The following B3GALT1 variants were observed in gnomAD, a reference collection of about 807,000 sequenced individuals.
B3GALT1 encodes beta-1,3-galactosyltransferase 1.
B3GALT1 carries 10 observed loss-of-function variants against 23.2 expected under a neutral mutation model. The ratio of observed to expected loss-of-function variants is 0.43; its 90% confidence interval spans 0.27 to 0.73. B3GALT1 has a LOEUF of 0.73. B3GALT1 is among the 30% of genes least tolerant of loss of function. The probability of loss-of-function intolerance (pLI) is 0.21; values close to 1 mark genes in which losing one functional copy is unlikely to be tolerated. For synonymous variants in B3GALT1, 156 were observed against 141.5 expected, an observed-to-expected ratio of 1.10 and a Z score of -0.73; for missense variants, 299 against 405.4, an observed-to-expected ratio of 0.74 and a Z score of 2.25.
intron 1 of B3GALT1, among the ~76,000 whole-genome samples, chr2:167,459,769 T>C (rs1263785221): frequency 6.6e-6 from 1 of 152,206 alleles, no homozygotes; most frequent in Non-Finnish European, 1.5e-5. Flanking sequence ...CCCTTGAACG[T>C]TTCTTGCAGA....
chr2:167,818,537 C>A (rs1210301367), intron 3 of B3GALT1, among the ~76,000 whole-genome samples, 135 bp from the exon 4 acceptor site: 4 of 152,164 alleles, frequency 2.6e-5, no homozygotes, highest in Non-Finnish European at 5.9e-5. Flanking sequence ...CAACGCCTAC[C>A]CACATGCCAT....
intron 3 of B3GALT1, chr2:167,715,812 G>A (rs1342504662): frequency 7.4e-6 from 12 of 1,613,540 alleles, no homozygotes; most frequent in African/African-American, 1.3e-5. Flanking sequence ...TCTTCAATTA[G>A]TCCAGAAAGC....
At chr2:167,409,953 T>G (rs565911976) in intron 1 of B3GALT1, among the ~76,000 whole-genome samples, 8 of 152,136 alleles carry the variant, frequency 5.3e-5, no homozygotes, top group Non-Finnish European at 1.0e-4. Flanking sequence ...TGATAAATCA[T>G]TCTACCATAA....
intron 4 of B3GALT1, among the ~76,000 whole-genome samples, chr2:167,825,608 C>T (rs576096853): frequency 1.3e-5 from 2 of 151,930 alleles, no homozygotes; most frequent in Non-Finnish European, 2.9e-5. Context: ...CCCCTTAGAG[C>T]ACCTTTTTCA....
chr2:167,615,644 CAATT>C (rs1202945198), intron 2 of B3GALT1, among the ~76,000 whole-genome samples: 3 of 150,540 alleles, frequency 2.0e-5, no homozygotes, highest in African/African-American at 4.9e-5. Context: ...CAATTTTTGT[CAATT>C]AAAAAATAAA....
chr2:167,536,785 A>G (rs2105371229), intron 2 of B3GALT1, among the ~76,000 whole-genome samples: 1 of 152,238 alleles, frequency 6.6e-6, no homozygotes, highest in South Asian at 2.1e-4. Flanking sequence ...CTGCTCAGAC[A>G]TGGAGAAGGG....
At chr2:167,449,394 T>G (rs1042836998) in intron 1 of B3GALT1, among the ~76,000 whole-genome samples, 1 of 152,170 alleles carries the variant, frequency 6.6e-6, no homozygotes, top group Non-Finnish European at 1.5e-5. Flanking sequence ...ATTTCTCAGC[T>G]TGGTCACTGT....
chr2:167,350,298 C>T (rs1257435477), intron 1 of B3GALT1, among the ~76,000 whole-genome samples: 1 of 152,080 alleles, frequency 6.6e-6, no homozygotes, highest in Non-Finnish European at 1.5e-5. Flanking sequence ...GCCTGCCTAC[C>T]CTGTGTGTTA....
At chr2:167,790,778 T>C (rs1234456137) in intron 3 of B3GALT1, among the ~76,000 whole-genome samples, 1 of 152,226 alleles carries the variant, frequency 6.6e-6, no homozygotes, top group Non-Finnish European at 1.5e-5. Context: ...CCTTTTTCTG[T>C]CTAATTTGCC....
intron 3 of B3GALT1, among the ~76,000 whole-genome samples, chr2:167,659,861 C>A (rs1005012347): frequency 2.0e-5 from 3 of 151,934 alleles, no homozygotes; most frequent in Admixed American, 2.0e-4. Flanking sequence ...TAATTTTACT[C>A]CTACCCTAGA....
chr2:167,356,565 G>A (rs1164217212), intron 1 of B3GALT1, among the ~76,000 whole-genome samples: 1 of 152,082 alleles, frequency 6.6e-6, no homozygotes, highest in Non-Finnish European at 1.5e-5. Context: ...ACTAGTGGGA[G>A]TTTGATATTT....
intron 1 of B3GALT1, among the ~76,000 whole-genome samples, chr2:167,359,465 C>T (rs768918049): frequency 7.2e-5 from 11 of 152,078 alleles, no homozygotes; most frequent in South Asian, 2.1e-4. Context: ...ATGTCCCTTC[C>T]GGATACAGTA....
intron 2 of B3GALT1, among the ~76,000 whole-genome samples, chr2:167,600,096 C>T (rs1191621001): frequency 2.0e-5 from 3 of 151,988 alleles, no homozygotes; most frequent in African/African-American, 7.3e-5. Context: ...TGGAGACAGC[C>T]CATTCAGGAT....
At position 167,560,178 on chromosome 2, in the gene B3GALT1, A is replaced by G. The variant is rs1328211813; in HGVS notation, c.-410+69901A>G. The stretch of plus-strand genomic sequence containing the variant: ...ACATTCTTGAAGAAAAGAATTTTCA[A>G]CCCAGAATTTCATATCCAGCCAAAC... On this transcript the variant is annotated intron_variant, in intron 2 of 4. Coordinates refer to ENST00000392690, the MANE Select transcript of B3GALT1 (RefSeq NM_020981.4). Among the ~76,000 whole-genome samples, 4 of 152,310 alleles carry G rather than the reference A, an allele frequency of 2.6e-5. No individual in the cohort carries two copies. The East Asian group carries it at 7.7e-4, about 29-fold the overall frequency.
intron 1 of B3GALT1, among the ~76,000 whole-genome samples, chr2:167,458,160 T>C (rs1313288640): frequency 6.6e-6 from 1 of 152,158 alleles, no homozygotes; most frequent in Non-Finnish European, 1.5e-5. Context: ...ACCACCCTAC[T>C]TTTTGTCTAT....
chr2:167,566,042 A>G (rs1483656779), intron 2 of B3GALT1, among the ~76,000 whole-genome samples: 1 of 152,064 alleles, frequency 6.6e-6, no homozygotes, highest in Non-Finnish European at 1.5e-5. Flanking sequence ...CTATAAAGAC[A>G]CATGCATACA....
chr2:167,702,139 C>G (rs539253624), intron 3 of B3GALT1, among the ~76,000 whole-genome samples: 18 of 152,172 alleles, frequency 1.2e-4, no homozygotes, highest in South Asian at 2.1e-4. Flanking sequence ...CACCAGAAGT[C>G]CTCCCTTCAT....
At chr2:167,662,243 A>G (rs2105473556) in intron 3 of B3GALT1, among the ~76,000 whole-genome samples, 1 of 152,196 alleles carries the variant, frequency 6.6e-6, no homozygotes. Context: ...GCTTGTCCAC[A>G]AGTACTTTTT....
chr2:167,775,227 T>A (rs960748155), intron 3 of B3GALT1, among the ~76,000 whole-genome samples: 1 of 152,188 alleles, frequency 6.6e-6, no homozygotes, highest in Non-Finnish European at 1.5e-5. Context: ...TAAATTATGG[T>A]ACATCCAAAT....
Sources: allele counts gnomAD v4.1 joint callset (sites outside exome capture counted in the v4.1 genomes callset), GRCh38; gene constraint gnomAD v4.1.1; transcripts MANE v1.5; gene names NCBI Gene and HGNC (gene_info 2026-07-23, HGNC 2026-07-21).